The following MTM1 variants were observed in gnomAD, a reference collection of about 807,000 sequenced individuals.
MTM1 encodes myotubularin.
In MTM1, 9 loss-of-function variants were observed where a neutral mutation model predicts 52.1. The ratio of observed to expected loss-of-function variants is 0.17; its 90% CI spans 0.10 to 0.30. MTM1 has a LOEUF of 0.30. Among genes scored for constraint, MTM1 ranks in the 10% least tolerant of loss-of-function variants. The pLI, the probability that MTM1 is intolerant of heterozygous loss-of-function variation, is 1.00. For missense variants in MTM1, 277 were observed against 470.7 expected (o/e 0.59, Z 3.81); for synonymous variants, 136 against 163.8 (o/e 0.83, Z 1.29).
intron 1 of MTM1, among the ~76,000 whole-genome samples, chrX:150,572,510 C>T (rs2038396170): frequency 9.0e-6 from 1 of 111,660 alleles, no homozygotes; most frequent in Non-Finnish European, 1.9e-5. Context: ...TTCATAGGGG[C>T]CTGATGTCAC....
intron 6 of MTM1, among the ~76,000 whole-genome samples, chrX:150,635,182 T>C (rs2039734851): frequency 8.9e-6 from 1 of 112,612 alleles, no homozygotes; most frequent in African/African-American, 3.2e-5. Context: ...ACATCTTCTC[T>C]GTCCTAAGAC....
intron 1 of MTM1, among the ~76,000 whole-genome samples, chrX:150,583,600 A>ATATAAT (rs1273241746): frequency 3.0e-5 from 1 of 32,945 alleles, no homozygotes; most frequent in Non-Finnish European, 4.5e-5. Context: ...ATTTATATAT[A>ATATAAT]ATATATAATT....
At chrX:150,624,447 A>G (rs1315988382) in intron 6 of MTM1, among the ~76,000 whole-genome samples, 1 of 111,813 alleles carries the variant, frequency 8.9e-6, no homozygotes, top group Non-Finnish European at 1.9e-5. Context: ...AGAGCCTGAT[A>G]GTGCTACAGA....
In MTM1 at chrX:150,628,091, C is replaced by A. The variant is rs187401942; in HGVS notation, c.444+8952C>A. The stretch of plus-strand genomic sequence containing the variant: ...CCTGAGTGTAGCACTTGGGAGGTTT[C>A]CTCATTTTGGTTTGGCCAGGTCTTC... On this transcript the variant is annotated intron_variant, in intron 6 of 14. Coordinates refer to ENST00000370396, the MANE Select transcript of MTM1 (RefSeq NM_000252.3). Among the ~76,000 whole-genome samples, 7 of 111,150 alleles carry A rather than the reference C, an allele frequency of 6.3e-5. No homozygotes were observed. The East Asian group carries it at 2.0e-3, about 32-fold the overall frequency.
chrX:150,592,700 T>C (rs1490505742), intron 2 of MTM1, 23 bp downstream of exon 2: 1 of 990,989 alleles, frequency 1.0e-6, no homozygotes, highest in Non-Finnish European at 1.4e-6. Flanking sequence ...TTCAGATTTA[T>C]CTGTCTCTTT....
chrX:150,644,885 G>T (rs1449765904), intron 8 of MTM1, among the ~76,000 whole-genome samples: 1 of 111,796 alleles, frequency 8.9e-6, no homozygotes, highest in African/African-American at 3.3e-5. Context: ...CGCCCACTGT[G>T]CTGCAGTTCT....
At chrX:150,626,225 G>C (rs781788938) in intron 6 of MTM1, among the ~76,000 whole-genome samples, 1 of 112,425 alleles carries the variant, frequency 8.9e-6, no homozygotes, top group Non-Finnish European at 1.9e-5. Flanking sequence ...AGTAGAGTGC[G>C]TTATGGAGGT....
intron 1 of MTM1, among the ~76,000 whole-genome samples, chrX:150,569,194 C>T (rs1299233159): frequency 8.8e-6 from 1 of 113,503 alleles, no homozygotes; most frequent in Non-Finnish European, 1.9e-5. Flanking sequence ...CTGTGTCATA[C>T]ACGAGAGGTT....
intron 4 of MTM1, among the ~76,000 whole-genome samples, chrX:150,608,650 G>T (rs1219685487): frequency 9.0e-6 from 1 of 111,670 alleles, no homozygotes; most frequent in Non-Finnish European, 1.9e-5. Flanking sequence ...ATTTTGTGTG[G>T]TCAGAACATT....
chrX:150,570,026 A>G, intron 1 of MTM1, among the ~76,000 whole-genome samples: 1 of 111,927 alleles, frequency 8.9e-6, no homozygotes, highest in Non-Finnish European at 1.9e-5. Context: ...AGGGTGGATA[A>G]CATTCACGGG....
chrX:150,580,546 C>A (rs1302443126), intron 1 of MTM1, among the ~76,000 whole-genome samples: 1 of 102,892 alleles, frequency 9.7e-6, no homozygotes, highest in African/African-American at 3.7e-5. Context: ...TTTTTTTTTT[C>A]AGGTTATTTC....
chrX:150,614,865 A>G (rs914107064), intron 5 of MTM1, among the ~76,000 whole-genome samples, 166 bp downstream of exon 5: 46 of 111,623 alleles, frequency 4.1e-4, no homozygotes, highest in Admixed American at 4.1e-3. Context: ...GTGCCTGGGA[A>G]ATAGTGCCCA....
At chrX:150,620,046 T>A (rs1276087483) in intron 6 of MTM1, among the ~76,000 whole-genome samples, 1 of 111,949 alleles carries the variant, frequency 8.9e-6, no homozygotes, top group Non-Finnish European at 1.9e-5. Flanking sequence ...ATGTGATTTT[T>A]AAAAATATGT....
intron 12 of MTM1, 94 bp downstream of exon 12, chrX:150,659,850 G>A: frequency 8.0e-6 from 6 of 746,666 alleles, no homozygotes; most frequent in Non-Finnish European, 1.2e-5. Context: ...AATAATACAG[G>A]GTAGAGCTAG....
In MTM1 at chrX:150,671,682, A is replaced by G; in HGVS notation, c.*87A>G. ...GCATTTGTAAAAAGTAGATTAAAAT[A>G]TTTGCCTCCATGTAGAACTTGAACT... On this transcript the variant is annotated 3_prime_UTR_variant, in exon 15 of 15. Transcript: ENST00000370396. 2.0e-6 allele frequency: 2 copies of G among 1,009,954 alleles called. No individual in the cohort carries two copies. The highest frequency in any genetic ancestry group is 2.0e-5 in the South Asian group (1 of 50,781). The allele number at this position is 1,009,954 out of a possible 1,213,427, so 83.2% of individuals were successfully genotyped here. A position where few individuals can be genotyped will look rare whatever the true frequency, so the allele number is the denominator to read the frequency against.
chrX:150,614,445 T>C, intron 4 of MTM1, 144 bp from the exon 5 acceptor site: 1 of 479,472 alleles, frequency 2.1e-6, no homozygotes, highest in Admixed American at 3.0e-5. Context: ...CTGTCATGTG[T>C]GATCTGTATC....
chrX:150,565,948 T>TG (rs1435995524), upstream of MTM1, among the ~76,000 whole-genome samples: 20 of 105,915 alleles, frequency 1.9e-4, no homozygotes, highest in African/African-American at 5.6e-4. Context: ...TCCTGCATGA[T>TG]GGGGGGGTGT....
chrX:150,597,219 A>G (rs1204207643), intron 3 of MTM1, among the ~76,000 whole-genome samples: 1 of 112,101 alleles, frequency 8.9e-6, no homozygotes, highest in Non-Finnish European at 1.9e-5. Flanking sequence ...TTTGAAGCAG[A>G]TGTGATGACC....
In MTM1 at chrX:150,646,144, T is replaced by G. The variant is rs72612721; in HGVS notation, c.867+273T>G. On this transcript the variant is annotated intron_variant, in intron 9 of 14. Coordinates refer to ENST00000370396, the MANE Select transcript of MTM1 (RefSeq NM_000252.3). ...ACCTTGGCAGGAAAAAGTTAGATTC[T>G]CTTTAAAGCCCTTTCAGCTGTGGAT... 1.8e-3 allele frequency among the ~76,000 whole-genome samples: 201 copies of G among 112,199 alleles called. 1 individual carries two copies. The East Asian group carries it at 0.042, about 23-fold the overall frequency.
Sources: gnomAD v4.1 joint callset for allele counts (sites outside exome capture counted in the v4.1 genomes callset) on GRCh38, gnomAD v4.1.1 for gene constraint, MANE v1.5 for transcripts, NCBI Gene and HGNC (gene_info 2026-07-23, HGNC 2026-07-21) for gene names.